The following CHRNA7 variants were observed in gnomAD, a reference collection of about 807,000 sequenced individuals.
The protein encoded by CHRNA7 is cholinergic receptor nicotinic alpha 7 subunit, also known as neuronal acetylcholine receptor subunit alpha-7.
In CHRNA7, 17 loss-of-function variants were observed where a neutral mutation model predicts 48.0. The observed-to-expected ratio is 0.35, with a 90% confidence interval of 0.24 to 0.53. CHRNA7 has a LOEUF of 0.53. Among genes scored for constraint, CHRNA7 ranks in the 20% least tolerant of loss-of-function variants. CHRNA7 has a pLI of 0.92. For synonymous variants in CHRNA7, 75 were observed against 242.3 expected (o/e 0.31, Z 6.41); for missense variants, 155 against 577.7 (o/e 0.27, Z 7.50).
chr15:32,055,732 C>A (rs151000481), intron 2 of CHRNA7, among the ~76,000 whole-genome samples: 1,946 of 152,262 alleles, frequency 0.013, 38 homozygotes, highest in African/African-American at 0.044. Flanking sequence ...GTAATCCCAG[C>A]ACTTTGGGAG....
intron 2 of CHRNA7, among the ~76,000 whole-genome samples, chr15:32,088,695 TA>T (rs1362937639): frequency 6.6e-6 from 1 of 152,248 alleles, no homozygotes; most frequent in Non-Finnish European, 1.5e-5. Context: ...AAGCATCTTT[TA>T]ATATGTTTAT....
At chr15:32,046,083 C>G (rs1335626857) in intron 2 of CHRNA7, among the ~76,000 whole-genome samples, 4 of 151,814 alleles carry the variant, frequency 2.6e-5, no homozygotes, top group African/African-American at 7.3e-5. Context: ...GGACATTTGG[C>G]TTGGTTCCAA....
rs2049709243 is a variant in CHRNA7, at chr15:32,052,546, T to C, written c.195+21509T>C. Among the ~76,000 whole-genome samples, 3 of 152,116 alleles carry C rather than the reference T, an allele frequency of 2.0e-5. No homozygotes were observed. The South Asian group carries it at 6.2e-4, about 32-fold the overall frequency. ...GAGATTGAGACCATCTTGGCCAACA[T>C]GGTGAAACCCCATTTCTACTAAAAA... On this transcript the variant is annotated intron_variant, in intron 2 of 9. Coordinates refer to ENST00000306901, the MANE Select transcript of CHRNA7 (RefSeq NM_000746.6).
chr15:32,143,008 G>A lies in CHRNA7; in HGVS notation c.351-10899G>A, dbSNP rs184549287. ...CTTCTCTAGTTCTTTTCATTGCGATGTTAGGATGTCAATTTTAGATCTTTC... is the reference window on the plus strand; with the variant it reads ...CTTCTCTAGTTCTTTTCATTGCGATATTAGGATGTCAATTTTAGATCTTTC... On this transcript the variant is annotated intron_variant, in intron 4 of 9. Transcript: ENST00000306901. 4.1e-3 allele frequency among the ~76,000 whole-genome samples: 619 copies of A among 152,224 alleles called. 8 individuals are homozygous for A. Among genetic ancestry groups the A allele is most frequent in the African/African-American group, 0.014 (595 of 41,528 alleles).
At chr15:32,132,940 AAGCTC>A (rs2051181059) in intron 4 of CHRNA7, among the ~76,000 whole-genome samples, 2 of 152,218 alleles carry the variant, frequency 1.3e-5, no homozygotes, top group Admixed American at 1.3e-4. Flanking sequence ...TCTGAAGGAA[AAGCTC>A]TTTAAAAAAT....
intron 4 of CHRNA7, among the ~76,000 whole-genome samples, chr15:32,112,759 G>C (rs922340541): frequency 4.6e-5 from 7 of 152,306 alleles, no homozygotes; most frequent in South Asian, 4.1e-4. Context: ...CGGTGATCCC[G>C]CTGGACAAGC....
At chr15:32,114,019 A>AATATATAT (rs57220454) in intron 4 of CHRNA7, among the ~76,000 whole-genome samples, 73 of 109,142 alleles carry the variant, frequency 6.7e-4, no homozygotes, top group Middle Eastern at 4.5e-3. Context: ...GCTATCTCCA[A>AATATATAT]ATATATATAT....
At chr15:32,122,613 T>C (rs1259106435) in intron 4 of CHRNA7, among the ~76,000 whole-genome samples, 1 of 152,144 alleles carries the variant, frequency 6.6e-6, no homozygotes, top group Non-Finnish European at 1.5e-5. Context: ...TTATTGTGTA[T>C]GGTTTTTTTT....
intron 2 of CHRNA7, among the ~76,000 whole-genome samples, chr15:32,090,297 A>T (rs2050362848): frequency 6.6e-6 from 1 of 152,080 alleles, no homozygotes; most frequent in Non-Finnish European, 1.5e-5. Context: ...TTTCCCAGTG[A>T]TTACTTCTCC....
chr15:32,086,831 G>A (rs558862470), intron 2 of CHRNA7, among the ~76,000 whole-genome samples: 6 of 151,760 alleles, frequency 4.0e-5, no homozygotes, highest in African/African-American at 1.5e-4. Context: ...TGTGTTTTGG[G>A]GTAGACAGAC....
At chr15:32,059,821 A>G (rs1186080862) in intron 2 of CHRNA7, among the ~76,000 whole-genome samples, 2 of 151,974 alleles carry the variant, frequency 1.3e-5, no homozygotes, top group Non-Finnish European at 1.5e-5. Context: ...TCATCCTTCA[A>G]TTCCAGTACA....
intron 2 of CHRNA7, among the ~76,000 whole-genome samples, chr15:32,097,821 G>A (rs2050498146): frequency 6.6e-6 from 1 of 152,212 alleles, no homozygotes; most frequent in Admixed American, 6.5e-5. Flanking sequence ...CAACTTGGGA[G>A]GGAGTGACTG....
chr15:32,085,621 G>A (rs1189246133), intron 2 of CHRNA7, among the ~76,000 whole-genome samples: 1 of 152,170 alleles, frequency 6.6e-6, no homozygotes, highest in African/African-American at 2.4e-5. Flanking sequence ...GTATTTAAAA[G>A]TATTTTCAGA....
rs557789146 is a variant in CHRNA7 at position 32,127,441 on chromosome 15, G to A, written c.350+15542G>A. Among the ~76,000 whole-genome samples, 11 of 152,160 alleles carry A rather than the reference G, an allele frequency of 7.2e-5. No homozygotes were observed. In the East Asian group the frequency reaches 1.7e-3, roughly 24 times the overall value. On this transcript the variant is annotated intron_variant, in intron 4 of 9. Coordinates refer to ENST00000306901, the MANE Select transcript of CHRNA7 (RefSeq NM_000746.6). ...CCCACCTAAGTGATCAAGTAATTCC[G>A]CATCCTCCCCAGAATTTGGTGTTAT...
intron 2 of CHRNA7, among the ~76,000 whole-genome samples, chr15:32,033,768 T>C (rs1259522252): frequency 6.6e-6 from 1 of 152,232 alleles, no homozygotes; most frequent in African/African-American, 2.4e-5. Context: ...AGATTCTCTT[T>C]ACACATTTGT....
chr15:32,106,770 C>T (rs972227720), intron 3 of CHRNA7, among the ~76,000 whole-genome samples: 6 of 152,186 alleles, frequency 3.9e-5, no homozygotes, highest in African/African-American at 1.4e-4. Flanking sequence ...GATGTCCCAG[C>T]CTTCCTGGGT....
intron 4 of CHRNA7, among the ~76,000 whole-genome samples, chr15:32,137,274 C>A (rs1434659864): frequency 4.0e-5 from 6 of 150,958 alleles, no homozygotes; most frequent in African/African-American, 9.8e-5. Flanking sequence ...AAAGGATGAA[C>A]GCAAAAAAGG....
At chr15:32,033,315 G>A (rs116147225) in intron 2 of CHRNA7, among the ~76,000 whole-genome samples, 2,354 of 152,278 alleles carry the variant, frequency 0.015, 59 homozygotes, top group African/African-American at 0.054. Flanking sequence ...CCACACTGGT[G>A]ATTCACTGAA....
chr15:32,092,513 C>T (rs1160546508), intron 2 of CHRNA7, among the ~76,000 whole-genome samples: 1 of 152,074 alleles, frequency 6.6e-6, no homozygotes, highest in Admixed American at 6.5e-5. Flanking sequence ...TTCATTCATA[C>T]TCATACTTCC....
Sources: allele counts gnomAD v4.1 joint callset (sites outside exome capture counted in the v4.1 genomes callset), GRCh38; gene constraint gnomAD v4.1.1; transcripts MANE v1.5; gene names NCBI Gene and HGNC (gene_info 2026-07-23, HGNC 2026-07-21).